LMNB1: variants seen among roughly 807,000 people sequenced by gnomAD.
LMNB1 encodes the protein lamin B1.
A neutral mutation model predicts 67.1 loss-of-function variants in LMNB1; 23 were observed. The ratio of observed to expected loss-of-function variants is 0.34; its 90% confidence interval spans 0.25 to 0.49. The LOEUF (loss-of-function observed/expected upper bound fraction) is 0.49, where lower values mean the gene tolerates loss of function less well. Among genes scored for constraint, LMNB1 ranks in the 20% least tolerant of loss-of-function variants. LMNB1 has a pLI of 0.99. For synonymous variants in LMNB1, 281 were observed against 282.9 expected, an observed-to-expected ratio of 0.99 and a Z score of 0.07; for missense variants, 634 against 746.5, an observed-to-expected ratio of 0.85 and a Z score of 1.76.
intron 9 of LMNB1, among the ~76,000 whole-genome samples, chr5:126,830,254 C>A (rs969999925): frequency 6.6e-6 from 1 of 152,224 alleles, no homozygotes; most frequent in Non-Finnish European, 1.5e-5. Context: ...CTGCACAGAT[C>A]AGTGCACCTT....
intron 5 of LMNB1, among the ~76,000 whole-genome samples, chr5:126,814,534 A>G (rs1751660837): frequency 6.7e-6 from 1 of 148,796 alleles, no homozygotes; most frequent in South Asian, 2.1e-4. Context: ...CCATTTTTGC[A>G]AGTTGGTTTT....
chr5:126,787,317 C>T (rs79731486), intron 1 of LMNB1, among the ~76,000 whole-genome samples: 24 of 151,626 alleles, frequency 1.6e-4, no homozygotes, highest in African/African-American at 5.8e-4. Flanking sequence ...GAGCTAAGTG[C>T]AGGGAGGTAA....
chr5:126,830,224 G>A (rs1752100774), intron 9 of LMNB1, among the ~76,000 whole-genome samples: 1 of 152,228 alleles, frequency 6.6e-6, no homozygotes, highest in Admixed American at 6.5e-5. Flanking sequence ...ATCAGCAGGT[G>A]CAGCCAGCTC....
rs77080361 is a variant in LMNB1 at position 126,819,247 on chromosome 5, G to A, written c.1160+105G>A. On this transcript the variant is annotated intron_variant, in intron 6 of 10. Coordinates refer to ENST00000261366, the MANE Select transcript of LMNB1 (RefSeq NM_005573.4). Reference sequence around the variant, plus strand: ...ATTTTAAAAAGAACTTTATTTTCTTGGTCATTTCTTTGAACACCTAGGTAT... The same window carrying A: ...ATTTTAAAAAGAACTTTATTTTCTTAGTCATTTCTTTGAACACCTAGGTAT... 610 of 752,114 alleles carry A rather than the reference G, an allele frequency of 8.1e-4. 4 individuals are homozygous for A. In the African/African-American group the frequency reaches 9.0e-3, roughly 11 times the overall value. The allele number at this position is 752,114 out of a possible 1,614,324, so 46.6% of individuals were successfully genotyped here.
At chr5:126,803,552 T>G (rs1348790034) in intron 1 of LMNB1, among the ~76,000 whole-genome samples, 1 of 124,956 alleles carries the variant, frequency 8.0e-6, no homozygotes, top group Non-Finnish European at 1.7e-5. Context: ...CCGGCCTGTT[T>G]GTTTGTTTTT....
rs575749394 is a variant in LMNB1 at position 126,785,284 on chromosome 5, C to T, written c.359+7417C>T. Among the ~76,000 whole-genome samples, 435 of 148,548 alleles carry T rather than the reference C, an allele frequency of 2.9e-3. 3 individuals carry two copies. The highest frequency in any genetic ancestry group is 4.9e-3 in the Non-Finnish European group (329 of 67,336). On this transcript the variant is annotated intron_variant, in intron 1 of 10. Transcript: ENST00000261366. The stretch of plus-strand genomic sequence containing the variant: ...TACAGGTGTGAGCCACGGTGCCCTG[C>T]CTAAAAATTAATTTTTTTTTTTTTT...
chr5:126,798,756 AAG>A (rs200545356), intron 1 of LMNB1, among the ~76,000 whole-genome samples: 1,705 of 112,922 alleles, frequency 0.015, 33 homozygotes, highest in African/African-American at 0.051. Context: ...AGGATGAAAA[AAG>A]AGAAGTGTGT....
chr5:126,816,770 G>T (rs1374973798), intron 5 of LMNB1, among the ~76,000 whole-genome samples: 1 of 152,196 alleles, frequency 6.6e-6, no homozygotes, highest in Non-Finnish European at 1.5e-5. Context: ...CTTTTCACGT[G>T]ATTAGACTGG....
chr5:126,795,480 A>G (rs1751063900), intron 1 of LMNB1, among the ~76,000 whole-genome samples: 1 of 152,022 alleles, frequency 6.6e-6, no homozygotes, highest in Non-Finnish European at 1.5e-5. Flanking sequence ...GCAGGCCTGG[A>G]ATGACTTTCT....
intron 1 of LMNB1, among the ~76,000 whole-genome samples, chr5:126,797,046 C>T (rs1271648613): frequency 6.6e-6 from 1 of 152,136 alleles, no homozygotes; most frequent in Non-Finnish European, 1.5e-5. Flanking sequence ...GCTGCAGCCT[C>T]CCAAAGTGCT....
At chr5:126,810,920 G>A (rs976664679) in intron 4 of LMNB1, among the ~76,000 whole-genome samples, 2 of 152,186 alleles carry the variant, frequency 1.3e-5, no homozygotes, top group African/African-American at 4.8e-5. Flanking sequence ...TCACCAACTA[G>A]TACAGGCTTT....
chr5:126,812,465 A>G (rs370664509), intron 5 of LMNB1, among the ~76,000 whole-genome samples: 1 of 152,158 alleles, frequency 6.6e-6, no homozygotes, highest in Non-Finnish European at 1.5e-5. Context: ...GGCTGTGTTG[A>G]CTGGCTGCCT....
intron 1 of LMNB1, among the ~76,000 whole-genome samples, chr5:126,798,202 C>T (rs1216446964): frequency 6.6e-6 from 1 of 151,818 alleles, no homozygotes; most frequent in Non-Finnish European, 1.5e-5. Flanking sequence ...CCTGTAATCC[C>T]AGCACTTTGG....
intron 1 of LMNB1, among the ~76,000 whole-genome samples, chr5:126,799,427 G>T (rs1580535579): frequency 6.6e-6 from 1 of 152,250 alleles, no homozygotes; most frequent in East Asian, 1.9e-4. Flanking sequence ...AAGGACAGCT[G>T]TAAGAACTGT....
intron 9 of LMNB1, among the ~76,000 whole-genome samples, chr5:126,828,566 T>C (rs1160845800): frequency 6.7e-6 from 1 of 149,530 alleles, no homozygotes; most frequent in Admixed American, 6.8e-5. Context: ...ATTGATTGGT[T>C]GGTTGGTCCA....
At chr5:126,804,176 G>A (rs1350012880) in intron 1 of LMNB1, among the ~76,000 whole-genome samples, 1 of 150,890 alleles carries the variant, frequency 6.6e-6, no homozygotes, top group Non-Finnish European at 1.5e-5. Context: ...GGGCTCAAGC[G>A]ATGTCCCCGC....
At chr5:126,813,726 G>A (rs1185851667) in intron 5 of LMNB1, among the ~76,000 whole-genome samples, 1 of 152,128 alleles carries the variant, frequency 6.6e-6, no homozygotes, top group Admixed American at 6.5e-5. Flanking sequence ...AGCACCCTTG[G>A]CCCTATATTA....
At chr5:126,799,372 T>C (rs1253712975) in intron 1 of LMNB1, among the ~76,000 whole-genome samples, 2 of 152,230 alleles carry the variant, frequency 1.3e-5, no homozygotes, top group Non-Finnish European at 2.9e-5. Flanking sequence ...GAAAAATATA[T>C]GAACACAGAA....
chr5:126,814,766 T>C (rs1247904189), intron 5 of LMNB1, among the ~76,000 whole-genome samples: 1 of 152,212 alleles, frequency 6.6e-6, no homozygotes, highest in Admixed American at 6.5e-5. Flanking sequence ...TTCAAACTCC[T>C]GACTTCAGGT....
Sources: gnomAD v4.1 joint callset for allele counts (sites outside exome capture counted in the v4.1 genomes callset) on GRCh38, gnomAD v4.1.1 for gene constraint, MANE v1.5 for transcripts, NCBI Gene and HGNC (gene_info 2026-07-23, HGNC 2026-07-21) for gene names.